Variants in ANO4 observed in about 807,000 individuals in gnomAD.
ANO4 encodes anoctamin 4, also known as anoctamin-4.
ANO4 carries 69 observed loss-of-function variants against 141.9 expected under a neutral mutation model. The observed-to-expected ratio is 0.49, with a 90% CI of 0.40 to 0.59. The LOEUF is 0.59. Among genes scored for constraint, ANO4 ranks in the 20% least tolerant of loss-of-function variants. The pLI, the probability that ANO4 is intolerant of heterozygous loss-of-function variation, is 0.00. For synonymous variants in ANO4, 350 were observed against 394.3 expected, an observed-to-expected ratio of 0.89 and a Z score of 1.33; for missense variants, 894 against 1,162.2, an observed-to-expected ratio of 0.77 and a Z score of 3.36.
chr12:100,785,540 A>G (rs182479127), intron 3 of ANO4, among the ~76,000 whole-genome samples: 2 of 152,316 alleles, frequency 1.3e-5, no homozygotes, highest in Admixed American at 1.3e-4. Context: ...AGTAATATGC[A>G]TTTAAGATTC....
At chr12:100,738,170 G>A (rs528435272) in intron 2 of ANO4, among the ~76,000 whole-genome samples, 3 of 152,194 alleles carry the variant, frequency 2.0e-5, no homozygotes, top group East Asian at 1.9e-4. Flanking sequence ...GGGTTCAGTG[G>A]GAATTGAGAC....
intron 2 of ANO4, among the ~76,000 whole-genome samples, chr12:100,912,392 CAAAAAAAAAAAAAAAAAGAAAAAAG>C (rs1304858675): frequency 5.3e-4 from 36 of 67,356 alleles, no homozygotes; most frequent in Admixed American, 7.3e-4. Flanking sequence ...AGGACTCTGT[CAAAAAAAAAAAAAAAAAGAAAAAAG>C]AAAAAAAAAA....
chr12:100,753,386 A>G (rs1376411552), intron 3 of ANO4, among the ~76,000 whole-genome samples: 2 of 152,148 alleles, frequency 1.3e-5, no homozygotes, highest in African/African-American at 4.8e-5. Flanking sequence ...TTATTTTTCA[A>G]GTGGGCTCAG....
chr12:101,104,707 C>G (rs898547529), intron 22 of ANO4, among the ~76,000 whole-genome samples: 7 of 139,030 alleles, frequency 5.0e-5, no homozygotes, highest in African/African-American at 1.8e-4. Flanking sequence ...TTTATACCAT[C>G]TATGTTGATA....
intron 9 of ANO4, among the ~76,000 whole-genome samples, chr12:101,031,408 A>G (rs1424995791): frequency 6.6e-6 from 1 of 152,224 alleles, no homozygotes; most frequent in Non-Finnish European, 1.5e-5. Context: ...AAAACTCTCA[A>G]TAAACTAGGT....
chr12:100,739,334 C>G (rs1422469743), intron 2 of ANO4, among the ~76,000 whole-genome samples: 1 of 152,052 alleles, frequency 6.6e-6, no homozygotes, highest in African/African-American at 2.4e-5. Context: ...AGTTTCTGAT[C>G]TACTTTAAAA....
intron 1 of ANO4, among the ~76,000 whole-genome samples, chr12:100,815,430 C>T (rs2035678758): frequency 6.6e-6 from 1 of 152,084 alleles, no homozygotes. Context: ...TCTGTATAGA[C>T]AACATCTATG....
chr12:100,721,184 A>G (rs1025050599), intron 1 of ANO4, among the ~76,000 whole-genome samples: 6 of 151,708 alleles, frequency 4.0e-5, no homozygotes, highest in Non-Finnish European at 2.9e-5. Flanking sequence ...AACAACCCCC[A>G]TCTTCCTCTC....
intron 22 of ANO4, among the ~76,000 whole-genome samples, chr12:101,103,181 T>TATATATA (rs1555302952): frequency 1.8e-4 from 16 of 90,670 alleles, no homozygotes; most frequent in African/African-American, 7.9e-4. Context: ...TTTTTAGTCA[T>TATATATA]TTTATATATA....
chr12:101,037,015 G>A, intron 9 of ANO4, 80 bp from the exon 10 acceptor site: 1 of 1,412,264 alleles, frequency 7.1e-7, no homozygotes, highest in South Asian at 1.2e-5. Context: ...CCTCCAAAAA[G>A]CACCACACTT....
At chr12:101,011,192 CT>C (rs1334643833) in intron 8 of ANO4, among the ~76,000 whole-genome samples, 1 of 152,128 alleles carries the variant, frequency 6.6e-6, no homozygotes, top group Non-Finnish European at 1.5e-5. Flanking sequence ...GAAATTACTT[CT>C]GCTGTATACT....
chr12:100,985,492 A>G (rs2044669967), intron 7 of ANO4, among the ~76,000 whole-genome samples: 1 of 152,182 alleles, frequency 6.6e-6, no homozygotes, highest in Non-Finnish European at 1.5e-5. Flanking sequence ...AGGCTCAGCA[A>G]AGTTAAATCA....
chr12:100,744,366 G>T (rs980861108), intron 3 of ANO4, among the ~76,000 whole-genome samples: 3 of 152,098 alleles, frequency 2.0e-5, no homozygotes, highest in Non-Finnish European at 4.4e-5. Flanking sequence ...CCAAGATTAG[G>T]GCACTGACCG....
At chr12:100,968,726 A>G (rs1409343818) in intron 5 of ANO4, among the ~76,000 whole-genome samples, 1 of 152,232 alleles carries the variant, frequency 6.6e-6, no homozygotes, top group Non-Finnish European at 1.5e-5. Context: ...ATTGAAAAGC[A>G]AGCGGCAATC....
In ANO4 at chr12:101,036,454, C is replaced by T. The variant is rs1046614821; in HGVS notation, c.842-641C>T. ...AAGATATGAAAACAACCCAAGTGTC[C>T]CCTGATGGAAGAATGGATAAAGGAA... On this transcript the variant is annotated intron_variant, in intron 9 of 27. Coordinates refer to ENST00000392977, the MANE Select transcript of ANO4 (RefSeq NM_001286615.2). Among the ~76,000 whole-genome samples the T allele has an allele frequency of 2.0e-5, 3 of 152,140 alleles. No homozygotes were observed. The South Asian group carries it at 6.2e-4, about 32-fold the overall frequency.
At chr12:100,775,659 A>T (rs531321059) in intron 3 of ANO4, among the ~76,000 whole-genome samples, 27 of 152,318 alleles carry the variant, frequency 1.8e-4, no homozygotes, top group African/African-American at 5.8e-4. Flanking sequence ...TACCTATAAA[A>T]AGTCTTAACG....
At chr12:100,971,987 T>C (rs2043956035) in intron 6 of ANO4, among the ~76,000 whole-genome samples, 1 of 152,228 alleles carries the variant, frequency 6.6e-6, no homozygotes, top group African/African-American at 2.4e-5. Context: ...AAAGGATTAA[T>C]TTACCTTCAT....
At chr12:100,919,517 C>T (rs1462569709) in intron 2 of ANO4, among the ~76,000 whole-genome samples, 1 of 152,118 alleles carries the variant, frequency 6.6e-6, no homozygotes, top group Non-Finnish European at 1.5e-5. Flanking sequence ...GAGCAATAGG[C>T]TGCACCATGT....
intron 1 of ANO4, among the ~76,000 whole-genome samples, chr12:100,839,440 TA>T (rs1352836645): frequency 6.6e-6 from 1 of 152,178 alleles, no homozygotes; most frequent in Admixed American, 6.5e-5. Flanking sequence ...CTTTGTAATG[TA>T]GGTACAAGAA....
Sources: allele counts gnomAD v4.1 joint callset (sites outside exome capture counted in the v4.1 genomes callset), GRCh38; gene constraint gnomAD v4.1.1; transcripts MANE v1.5; gene names NCBI Gene and HGNC (gene_info 2026-07-23, HGNC 2026-07-21).